Variants in OCM2 observed in about 807,000 individuals in gnomAD.
OCM2 encodes the protein oncomodulin 2.
OCM2 carries 6 observed loss-of-function variants against 13.6 expected under a neutral mutation model. The observed-to-expected ratio is 0.44, with a 90% CI of 0.24 to 0.87. The LOEUF is 0.87. OCM2 is among the 40% of genes least tolerant of loss of function. The pLI, the probability that OCM2 is intolerant of heterozygous loss-of-function variation, is 0.22. For synonymous variants in OCM2, 40 were observed against 50.7 expected (o/e 0.79, Z 0.90); for missense variants, 118 against 136.8 (o/e 0.86, Z 0.68).
chr7:97,986,783 C>A (rs549520568), intron 3 of OCM2, among the ~76,000 whole-genome samples: 1 of 152,120 alleles, frequency 6.6e-6, no homozygotes, highest in South Asian at 2.1e-4. Context: ...TAGCTAGTCC[C>A]CTAGTCAGGT....
At chr7:97,989,388 T>C (rs969744624) in intron 1 of OCM2, among the ~76,000 whole-genome samples, 8 of 148,362 alleles carry the variant, frequency 5.4e-5, no homozygotes, top group African/African-American at 1.8e-4. Flanking sequence ...CTTATTTACT[T>C]ATTTATTTAT....
chr7:97,989,386 C>CTTACTTATTTATTTAT (rs1554366992), intron 1 of OCM2, among the ~76,000 whole-genome samples: 3 of 145,182 alleles, frequency 2.1e-5, no homozygotes, highest in Non-Finnish European at 4.5e-5. Flanking sequence ...CTCTTATTTA[C>CTTACTTATTTATTTAT]TTATTTATTT....
intron 2 of OCM2, 114 bp downstream of exon 2, chr7:97,988,302 G>A (rs1207614933): frequency 2.3e-5 from 31 of 1,335,140 alleles, no homozygotes; most frequent in South Asian, 1.7e-4. Context: ...ATGCTTGGCC[G>A]AATGACCAAC....
At chr7:97,990,060 C>G in exon 1 of OCM2, 2 of 1,611,418 alleles carry the variant, frequency 1.2e-6, no homozygotes. Flanking sequence ...ATTCCTGGAG[C>G]GCTGCTGCAA....
chr7:97,986,995 C>T lies in OCM2; in HGVS notation c.304+52G>A, dbSNP rs1053884219. 9.1e-5 allele frequency: 147 copies of T among 1,607,948 alleles called. No homozygotes were observed. In the African/African-American group the frequency reaches 1.2e-3, roughly 13 times the overall value. On this transcript the variant is annotated intron_variant, in intron 3 of 3. Coordinates refer to ENST00000257627, the Ensembl canonical transcript of OCM2. ...TTTGATCTCACAGCCCAACCCCTCA[C>T]GGATGCTTCCTGAGCTAGAGTGTTT...
chr7:97,985,431 A>AAAAAAAAAAAAAAAAG, intron 3 of OCM2, among the ~76,000 whole-genome samples: 1 of 131,498 alleles, frequency 7.6e-6, no homozygotes, highest in Non-Finnish European at 1.6e-5. Flanking sequence ...AAAAAAAAAA[A>AAAAAAAAAAAAAAAAG]AAAGAAAGAA....
At chr7:97,987,887 C>T (rs1219850001) in intron 2 of OCM2, among the ~76,000 whole-genome samples, 1 of 151,906 alleles carries the variant, frequency 6.6e-6, no homozygotes, top group African/African-American at 2.4e-5. Flanking sequence ...CAAAGGAAAT[C>T]CCTTACATGA....
chr7:97,985,288 A>G (rs1367196078), intron 3 of OCM2, among the ~76,000 whole-genome samples: 7 of 151,864 alleles, frequency 4.6e-5, no homozygotes, highest in Admixed American at 2.6e-4. Context: ...GCGTGGTGGC[A>G]TGTGCCTGTA....
chr7:97,989,494 G>A (rs1443080087), intron 1 of OCM2, among the ~76,000 whole-genome samples: 1 of 151,668 alleles, frequency 6.6e-6, no homozygotes, highest in Non-Finnish European at 1.5e-5. Context: ...CAACCTCCTG[G>A]GCTTGAGTGA....
intron 1 of OCM2, among the ~76,000 whole-genome samples, chr7:97,989,782 C>T (rs1341906794): frequency 3.3e-5 from 5 of 151,310 alleles, no homozygotes; most frequent in South Asian, 2.1e-4. Context: ...CTCAGCCTCC[C>T]GAGTAGCTGG....
At chr7:97,985,828 T>C (rs1490513271) in intron 3 of OCM2, among the ~76,000 whole-genome samples, 1 of 152,216 alleles carries the variant, frequency 6.6e-6, no homozygotes, top group Non-Finnish European at 1.5e-5. Context: ...GTATGGATGT[T>C]ACAGATTGAT....
At chr7:97,984,837 A>T in exon 4 of OCM2, 1 of 1,261,216 alleles carries the variant, frequency 7.9e-7, no homozygotes, top group East Asian at 2.4e-5. Context: ...AAACTGCAGA[A>T]GGTTTTCAGG....
chr7:97,986,238 C>T (rs959344605), intron 3 of OCM2, among the ~76,000 whole-genome samples: 1 of 152,076 alleles, frequency 6.6e-6, no homozygotes, highest in Non-Finnish European at 1.5e-5. Flanking sequence ...ATAAGGCAAT[C>T]CCCCCTTACC....
In OCM2 at chr7:97,987,003, T is replaced by C. The variant is rs749391723; in HGVS notation, c.304+44A>G. 5.6e-6 allele frequency: 9 copies of C among 1,609,072 alleles called. No homozygotes were observed. In the South Asian group the frequency reaches 9.9e-5, roughly 18 times the overall value. On this transcript the variant is annotated intron_variant, in intron 3 of 3. Coordinates refer to ENST00000257627, the Ensembl canonical transcript of OCM2. The stretch of plus-strand genomic sequence containing the variant: ...CACAGCCCAACCCCTCACGGATGCT[T>C]CCTGAGCTAGAGTGTTTTATGCTAC...
At chr7:97,988,843 G>A (rs1794699519) in intron 1 of OCM2, among the ~76,000 whole-genome samples, 2 of 151,604 alleles carry the variant, frequency 1.3e-5, no homozygotes, top group Non-Finnish European at 2.9e-5. Context: ...CTGTGTGGCC[G>A]AGCCCCCAAC....
At chr7:97,987,315 T>A (rs1794682518) in intron 2 of OCM2, among the ~76,000 whole-genome samples, 159 bp from the exon 3 acceptor site, 1 of 152,182 alleles carries the variant, frequency 6.6e-6, no homozygotes, top group Admixed American at 6.6e-5. Flanking sequence ...TAGAAACCAA[T>A]GGTGGGCACT....
chr7:97,986,778 AG>A (rs1358859676), intron 3 of OCM2, among the ~76,000 whole-genome samples: 1 of 152,164 alleles, frequency 6.6e-6, no homozygotes, highest in African/African-American at 2.4e-5. Flanking sequence ...GTAGCTAGCT[AG>A]TCCCCTAGTC....
Position 97,989,937 on chromosome 7 carries a change from C to T in OCM2, c.61+107G>A, listed in dbSNP as rs1053123732. ...CCTCCCAAAGTGCTAGGATTACAGG[C>T]GTGAGCCACTGCGTCTGGCCGCCTG... On this transcript the variant is annotated intron_variant, in intron 1 of 3. Transcript: ENST00000257627. 52 of 1,093,416 alleles carry T rather than the reference C, an allele frequency of 4.8e-5. No individual in the cohort carries two copies. The African/African-American group carries it at 5.5e-4, about 12-fold the overall frequency. The allele number at this position is 1,093,416 out of a possible 1,614,324, so 67.7% of individuals were successfully genotyped here.
intron 3 of OCM2, 62 bp from the exon 4 acceptor site, chr7:97,985,045 G>A (rs1398839210): frequency 6.8e-5 from 109 of 1,611,040 alleles, no homozygotes; most frequent in Middle Eastern, 3.3e-4. Flanking sequence ...CAGACATGCC[G>A]TGGCCAGTGA....
Sources: gnomAD v4.1 joint callset for allele counts (sites outside exome capture counted in the v4.1 genomes callset) on GRCh38, gnomAD v4.1.1 for gene constraint, MANE v1.5 for transcripts, NCBI Gene and HGNC (gene_info 2026-07-23, HGNC 2026-07-21) for gene names.